The following ASZ1 variants were observed in gnomAD, a reference collection of about 807,000 sequenced individuals.
ASZ1 encodes ankyrin repeat, SAM and basic leucine zipper domain containing 1.
Under a neutral mutation model 61.8 loss-of-function variants are expected in ASZ1, and 67 were observed. The observed-to-expected ratio is 1.08, with a 90% CI of 0.89 to 1.33. ASZ1 has a LOEUF of 1.33. Ranked by LOEUF, ASZ1 falls within the 40% of genes most tolerant of loss-of-function variation. The pLI is 0.00. For synonymous variants in ASZ1, 193 were observed against 192.7 expected (o/e 1.00, Z -0.01); for missense variants, 577 against 554.5 (o/e 1.04, Z -0.41).
At chr7:117,417,741 A>G (rs1254699346) in intron 4 of ASZ1, among the ~76,000 whole-genome samples, 1 of 152,242 alleles carries the variant, frequency 6.6e-6, no homozygotes, top group Non-Finnish European at 1.5e-5. Context: ...TTAAAAAAGA[A>G]GCAGCTGAAT....
intron 4 of ASZ1, among the ~76,000 whole-genome samples, chr7:117,397,144 G>T (rs1465010940): frequency 6.6e-6 from 1 of 152,096 alleles, no homozygotes; most frequent in Non-Finnish European, 1.5e-5. Context: ...GGGATGCTGA[G>T]GCAGGAGTAT....
chr7:117,367,539 T>G, intron 11 of ASZ1, 74 bp from the exon 12 acceptor site: 1 of 1,264,030 alleles, frequency 7.9e-7, no homozygotes, highest in Non-Finnish European at 1.0e-6. Flanking sequence ...ACAAAGATTA[T>G]ACAACATTCT....
intron 4 of ASZ1, among the ~76,000 whole-genome samples, chr7:117,397,978 T>C (rs895804721): frequency 5.3e-5 from 8 of 152,314 alleles, no homozygotes; most frequent in South Asian, 2.1e-4. Context: ...GGGTAGCCAA[T>C]AGGGACCTCA....
At chr7:117,406,743 A>T (rs979434783) in intron 4 of ASZ1, among the ~76,000 whole-genome samples, 1 of 142,854 alleles carries the variant, frequency 7.0e-6, no homozygotes, top group Non-Finnish European at 1.5e-5. Context: ...ACAAAGAGCG[A>T]AACTCCATCT....
At chr7:117,399,048 G>A (rs981077117) in intron 4 of ASZ1, among the ~76,000 whole-genome samples, 15 of 152,074 alleles carry the variant, frequency 9.9e-5, no homozygotes, top group African/African-American at 3.4e-4. Context: ...GGGCAACATA[G>A]TGAGACTCTG....
chr7:117,417,362 A>G (rs1472332761), intron 4 of ASZ1, among the ~76,000 whole-genome samples: 2 of 152,216 alleles, frequency 1.3e-5, no homozygotes, highest in African/African-American at 2.4e-5. Context: ...AGGCTACATC[A>G]ACAGCCTGAA....
At chr7:117,376,624 A>T (rs1275163570) in intron 10 of ASZ1, among the ~76,000 whole-genome samples, 1 of 152,198 alleles carries the variant, frequency 6.6e-6, no homozygotes, top group Non-Finnish European at 1.5e-5. Context: ...CCAGGTATGC[A>T]AGGTTGGCTC....
chr7:117,408,915 A>G (rs575759661), intron 4 of ASZ1, among the ~76,000 whole-genome samples: 36 of 150,996 alleles, frequency 2.4e-4, no homozygotes, highest in Non-Finnish European at 4.4e-5. Flanking sequence ...TGTGGGTTAC[A>G]TGGGTATATG....
In ASZ1 at chr7:117,381,056, T is replaced by C. The variant is rs2116466566; in HGVS notation, c.900A>G (p.Ile300Met). 6.3e-7 allele frequency: 1 copy of C among 1,596,000 alleles called. No homozygotes were observed. The highest frequency in any genetic ancestry group is 1.1e-5 in the South Asian group (1 of 88,344). Reference sequence around the variant, plus strand: ...TCATGGTCAAAAGATGTCTTAACGTTATATCCCTTTCCTGTATAAAAGGAA... The same window carrying C: ...TCATGGTCAAAAGATGTCTTAACGTCATATCCCTTTCCTGTATAAAAGGAA... ...HMTDLLKERD[I>M]TLRHLLTMRE... Residue 300 changes from isoleucine (I) to methionine (M), a missense_variant, in exon 9 of 13, where the codon ATA (isoleucine) becomes ATG (methionine). By Grantham distance (10) the Ile-to-Met change is conservative (BLOSUM62 1). Transcript: ENST00000284629.
intron 2 of ASZ1, among the ~76,000 whole-genome samples, chr7:117,423,278 AC>A (rs963359844): frequency 4.5e-4 from 69 of 152,170 alleles, no homozygotes; most frequent in Middle Eastern, 3.4e-3. Context: ...CTGTATAAAC[AC>A]CGGGTCACTG....
intron 10 of ASZ1, among the ~76,000 whole-genome samples, chr7:117,377,838 A>T (rs1796165265): frequency 6.6e-6 from 1 of 152,178 alleles, no homozygotes; most frequent in Admixed American, 6.5e-5. Flanking sequence ...TTTCAGAGGG[A>T]TAGACACATA....
chr7:117,373,342 G>A (rs2116453634), intron 10 of ASZ1, among the ~76,000 whole-genome samples: 1 of 152,104 alleles, frequency 6.6e-6, no homozygotes, highest in African/African-American at 2.4e-5. Flanking sequence ...TCAAGTAGAT[G>A]GGACTACAGG....
intron 3 of ASZ1, among the ~76,000 whole-genome samples, chr7:117,421,126 G>A (rs1014403328): frequency 2.0e-5 from 3 of 152,186 alleles, no homozygotes; most frequent in Non-Finnish European, 2.9e-5. Flanking sequence ...CAAGGAGGGG[G>A]AAGTATAAAA....
chr7:117,402,985 T>C (rs1214512116), intron 4 of ASZ1, among the ~76,000 whole-genome samples: 3 of 152,142 alleles, frequency 2.0e-5, no homozygotes, highest in Non-Finnish European at 1.5e-5. Flanking sequence ...ATCAATTTAA[T>C]GGAAAACATG....
chr7:117,422,875 G>A (rs1247735062), intron 2 of ASZ1, among the ~76,000 whole-genome samples: 1 of 152,006 alleles, frequency 6.6e-6, no homozygotes, highest in African/African-American at 2.4e-5. Context: ...CTTAAGAAAC[G>A]CAGACTCTGT....
rs1181663864 is a variant in ASZ1, at chr7:117,382,125, C to T, written c.832G>A (p.Asp278Asn). ...HIFSSYTAFG[D>N]LEVFLHGLGL... ...AGACCATGTAAAAATACTTCCAGAT[C>T]TCCAAATGCTGTATATGAACTGTAT... Residue 278 changes from aspartate (D) to asparagine (N), a missense_variant, in exon 8 of 13, where the codon GAT becomes AAT. Physicochemically the swap from Asp to Asn is conservative, Grantham distance 23. Coordinates refer to ENST00000284629, the MANE Select transcript of ASZ1 (RefSeq NM_130768.3). The T allele has an allele frequency of 1.9e-6, 3 of 1,597,282 alleles. No homozygotes were observed. Among genetic ancestry groups the T allele is most frequent in the Non-Finnish European group, 2.6e-6 (3 of 1,165,430 alleles).
chr7:117,374,495 A>G (rs1282445984), intron 10 of ASZ1, among the ~76,000 whole-genome samples: 1 of 152,124 alleles, frequency 6.6e-6, no homozygotes, highest in Non-Finnish European at 1.5e-5. Context: ...AATATGTTTC[A>G]AAAGCATACA....
At chr7:117,364,082 T>C (rs531520528) in intron 12 of ASZ1, among the ~76,000 whole-genome samples, 23 of 152,376 alleles carry the variant, frequency 1.5e-4, no homozygotes, top group Non-Finnish European at 2.4e-4. Flanking sequence ...ACAATTGATA[T>C]TGATTTGCTT....
Position 117,368,596 on chromosome 7 carries a change from A to C in ASZ1, c.1161+16T>G. On this transcript the variant is annotated intron_variant, in intron 11 of 12. Transcript: ENST00000284629. ...GTGTTCATACTTTTCTTCACTTAAT[A>C]ACTTTTGTAGAATACCTTTTGAGAA... The C allele has an allele frequency of 1.2e-6, 2 of 1,606,810 alleles. No homozygotes were observed. The highest frequency in any genetic ancestry group is 1.7e-6 in the Non-Finnish European group (2 of 1,177,634).
Sources: gnomAD v4.1 joint callset for allele counts (sites outside exome capture counted in the v4.1 genomes callset) on GRCh38, gnomAD v4.1.1 for gene constraint, MANE v1.5 for transcripts, NCBI Gene and HGNC (gene_info 2026-07-23, HGNC 2026-07-21) for gene names.